LARP4: variants seen among roughly 807,000 people sequenced by gnomAD.
LARP4 encodes La ribonucleoprotein 4.
Under a neutral mutation model 92.9 loss-of-function variants are expected in LARP4, and 29 were observed. That is an observed-to-expected ratio of 0.31 (90% CI 0.23 to 0.43). The LOEUF (loss-of-function observed/expected upper bound fraction) is 0.43. Among genes scored for constraint, LARP4 ranks in the 20% least tolerant of loss-of-function variants. LARP4 has a pLI of 1.00. For missense variants in LARP4, 732 were observed against 860.0 expected (o/e 0.85, Z 1.86); for synonymous variants, 279 against 284.1 (o/e 0.98, Z 0.18).
intron 12 of LARP4, 76 bp from the exon 13 acceptor site, chr12:50,466,883 C>T: frequency 7.2e-7 from 1 of 1,380,094 alleles, no homozygotes; most frequent in Non-Finnish European, 1.0e-6. Context: ...TCTTTTCTTG[C>T]ACCTTTCAGC....
At chr12:50,410,336 G>A (rs1260799331) in intron 1 of LARP4, among the ~76,000 whole-genome samples, 4 of 151,702 alleles carry the variant, frequency 2.6e-5, no homozygotes, top group Admixed American at 6.6e-5. Flanking sequence ...GCCTCCCAAA[G>A]TGCTGCGATT....
chr12:50,427,929 T>C lies in LARP4; in HGVS notation c.166+20T>C, dbSNP rs901577788. On this transcript the variant is annotated intron_variant, in intron 2 of 15. Coordinates refer to ENST00000398473, the MANE Select transcript of LARP4 (RefSeq NM_052879.5). ...CTGAGGGTAAGTCTTAAATATTTGG[T>C]CATAAAAATCACAGTTTGGTTAAAT... 2 of 1,527,230 alleles carry C rather than the reference T, an allele frequency of 1.3e-6. No homozygotes were observed. The highest frequency in any genetic ancestry group is 1.8e-6 in the Non-Finnish European group (2 of 1,126,594). The allele number at this position is 1,527,230 out of a possible 1,614,324, so 94.6% of individuals were successfully genotyped here.
rs139136212 is a variant in LARP4 at position 50,402,275 on chromosome 12, A to G, written c.18+1247A>G. 8.9e-3 allele frequency among the ~76,000 whole-genome samples: 1,363 copies of G among 152,326 alleles called. 9 individuals carry two copies. The highest frequency in any genetic ancestry group is 0.027 in the Middle Eastern group (8 of 294). ...TAAATTAGTTTTTTAAAAGACTGCT[A>G]CATTAGAGTGTATCTAACATTCATA... On this transcript the variant is annotated intron_variant, in intron 1 of 15. Coordinates refer to ENST00000398473, the MANE Select transcript of LARP4 (RefSeq NM_052879.5).
Position 50,469,601 on chromosome 12 carries a change from C to CAA in LARP4, c.1545+2502_1545+2503dup, listed in dbSNP as rs757844912. 7.0e-3 allele frequency among the ~76,000 whole-genome samples: 454 copies of CAA among 65,170 alleles called. 14 individuals carry two copies. The highest frequency in any genetic ancestry group is 0.018 in the East Asian group (43 of 2,342). The allele number at this position is 65,170 out of a possible 152,430, so 42.8% of individuals were successfully genotyped here. A position where few individuals can be genotyped will look rare whatever the true frequency, so the allele number is the denominator to read the frequency against. On this transcript the variant is annotated intron_variant, in intron 13 of 15. Transcript: ENST00000398473. ...CCTGGGCGACAGAGCGAGACTCTAT[C>CAA]AAAAAAAAAAAAAAAAAAAAAAGTA...
intron 4 of LARP4, among the ~76,000 whole-genome samples, chr12:50,432,162 T>C (rs1001171158): frequency 2.0e-5 from 3 of 152,206 alleles, no homozygotes; most frequent in Admixed American, 6.5e-5. Context: ...TTCTATTGTC[T>C]GGGTTTCTTC....
At chr12:50,416,223 A>G (rs1052572635) in intron 1 of LARP4, 1 of 152,212 alleles carries the variant, frequency 6.6e-6, no homozygotes, top group Admixed American at 6.6e-5. Context: ...AAAGGTTATA[A>G]TGGATTTGAA....
intron 8 of LARP4, among the ~76,000 whole-genome samples, chr12:50,446,920 A>G (rs1202439159): frequency 2.6e-5 from 4 of 152,104 alleles, no homozygotes; most frequent in Admixed American, 2.0e-4. Context: ...ACTGATTGCA[A>G]TTTTAGGAGT....
intron 1 of LARP4, among the ~76,000 whole-genome samples, chr12:50,420,544 C>T (rs145920567): frequency 1.1e-4 from 16 of 152,226 alleles, no homozygotes; most frequent in East Asian, 3.9e-4. Context: ...TTTTAATGAT[C>T]GTAAAACCTC....
At chr12:50,425,643 A>C (rs1193779716) in intron 1 of LARP4, among the ~76,000 whole-genome samples, 2 of 152,062 alleles carry the variant, frequency 1.3e-5, no homozygotes, top group Non-Finnish European at 2.9e-5. Flanking sequence ...ATTGTCACCT[A>C]CGGCATCCGT....
chr12:50,445,720 G>A (rs1951903566), intron 8 of LARP4, among the ~76,000 whole-genome samples: 1 of 152,036 alleles, frequency 6.6e-6, no homozygotes, highest in South Asian at 2.1e-4. Flanking sequence ...AATGTGATAG[G>A]ACTGTCCAGT....
intron 4 of LARP4, among the ~76,000 whole-genome samples, chr12:50,434,458 G>A (rs1256119790): frequency 2.4e-5 from 3 of 122,732 alleles, no homozygotes; most frequent in Admixed American, 1.7e-4. Flanking sequence ...CGCCCTTGTT[G>A]CCCCAACTGG....
At chr12:50,474,215 A>AT (rs368575406) in intron 15 of LARP4, 48 bp downstream of exon 15, 65,646 of 1,155,124 alleles carry the variant, frequency 0.057, no homozygotes, top group Non-Finnish European at 0.064. Flanking sequence ...AATAGATTAG[A>AT]TTTTTTTTTT....
intron 1 of LARP4, among the ~76,000 whole-genome samples, chr12:50,402,310 C>T (rs1021047792): frequency 2.0e-5 from 3 of 151,948 alleles, no homozygotes; most frequent in Non-Finnish European, 4.4e-5. Flanking sequence ...AATAAACATT[C>T]ATTGGAACAT....
chr12:50,451,792 G>C (rs1277587638), intron 8 of LARP4, among the ~76,000 whole-genome samples: 1 of 151,858 alleles, frequency 6.6e-6, no homozygotes, highest in African/African-American at 2.4e-5. Context: ...AGCTGAGATC[G>C]TGTCATTGCA....
intron 6 of LARP4, among the ~76,000 whole-genome samples, chr12:50,438,650 C>T (rs1198979685): frequency 6.6e-6 from 1 of 152,120 alleles, no homozygotes; most frequent in Non-Finnish European, 1.5e-5. Flanking sequence ...TTAGATTCTC[C>T]CAGTTATTAC....
intron 15 of LARP4, among the ~76,000 whole-genome samples, chr12:50,474,889 A>G (rs539857260): frequency 4.1e-4 from 63 of 152,378 alleles, no homozygotes; most frequent in African/African-American, 1.5e-3. Flanking sequence ...ACAGAAAAGC[A>G]GAACAAAACA....
intron 1 of LARP4, among the ~76,000 whole-genome samples, chr12:50,424,218 T>A (rs946776187): frequency 1.3e-5 from 2 of 152,134 alleles, no homozygotes; most frequent in African/African-American, 4.8e-5. Flanking sequence ...AATTTTTTTT[T>A]AATTAGTGGA....
intron 8 of LARP4, among the ~76,000 whole-genome samples, chr12:50,449,102 G>C (rs1047518580): frequency 6.6e-6 from 1 of 151,904 alleles, no homozygotes; most frequent in Admixed American, 6.6e-5. Flanking sequence ...ATTTAGCCAG[G>C]CTTTGTGGCT....
chr12:50,426,684 G>GGGGTGTGTGTGTGTGTGT (rs774548049), intron 1 of LARP4, among the ~76,000 whole-genome samples: 7 of 86,174 alleles, frequency 8.1e-5, no homozygotes, highest in African/African-American at 2.0e-4. Context: ...TTATGTTTGG[G>GGGGTGTGTGTGTGTGTGT]GTGTGTGTGT....
Sources: gnomAD v4.1 joint callset for allele counts (sites outside exome capture counted in the v4.1 genomes callset) on GRCh38, gnomAD v4.1.1 for gene constraint, MANE v1.5 for transcripts, NCBI Gene and HGNC (gene_info 2026-07-23, HGNC 2026-07-21) for gene names.